The following VAC14 variants were observed in gnomAD, a reference collection of about 807,000 sequenced individuals.
VAC14 encodes VAC14 component of PIKFYVE complex, also known as protein VAC14 homolog.
Under a neutral mutation model 85.3 loss-of-function variants are expected in VAC14, and 47 were observed. The ratio of observed to expected loss-of-function variants is 0.55; its 90% confidence interval spans 0.44 to 0.70. The LOEUF is 0.70. Ranked by LOEUF, VAC14 falls within the 30% of genes least tolerant of loss-of-function variation. VAC14 has a pLI of 0.00. For missense variants in VAC14, 861 were observed against 1,004.3 expected (o/e 0.86, Z 1.93); for synonymous variants, 447 against 430.5 (o/e 1.04, Z -0.47).
intron 18 of VAC14, chr16:70,688,425 G>A: frequency 9.9e-7 from 1 of 1,013,036 alleles, no homozygotes; most frequent in Non-Finnish European, 1.2e-6. Flanking sequence ...AGGGCTAGCA[G>A]CCAGCCAGGA....
chr16:70,761,285 C>G lies in VAC14; in HGVS notation c.1371+1255G>C, dbSNP rs748701528. 88 of 356,730 alleles carry G rather than the reference C, an allele frequency of 2.5e-4. 2 individuals are homozygous for G. Among genetic ancestry groups the G allele is most frequent in the South Asian group, 1.8e-3 (81 of 45,688 alleles). The allele number at this position is 356,730 out of a possible 1,614,324, so 22.1% of individuals were successfully genotyped here. ...TGAGCAATAGCCCTCTCCCATCCCC[C>G]CCACCCAGCCTCATCCACTCTCTGC... On this transcript the variant is annotated intron_variant, in intron 12 of 18. Coordinates refer to ENST00000261776, the MANE Select transcript of VAC14 (RefSeq NM_018052.5).
intron 13 of VAC14, among the ~76,000 whole-genome samples, chr16:70,741,992 G>A (rs1437911184): frequency 6.6e-6 from 1 of 152,208 alleles, no homozygotes; most frequent in Non-Finnish European, 1.5e-5. Context: ...CTCCGGCCCA[G>A]GCTGCCCTCG....
At chr16:70,745,838 CT>C (rs1555520639) in intron 12 of VAC14, among the ~76,000 whole-genome samples, 1 of 82,332 alleles carries the variant, frequency 1.2e-5, no homozygotes, top group Non-Finnish European at 3.2e-5. Context: ...GGCTTCAGCC[CT>C]GGACCAGGGA....
chr16:70,748,712 C>T (rs912309100), intron 12 of VAC14, among the ~76,000 whole-genome samples: 6 of 152,050 alleles, frequency 3.9e-5, no homozygotes, highest in South Asian at 2.1e-4. Context: ...TTTGGGAGAC[C>T]GAGGCAGGCA....
chr16:70,769,098 G>A (rs2033031420), intron 10 of VAC14: 1 of 218,680 alleles, frequency 4.6e-6, no homozygotes, highest in Non-Finnish European at 9.2e-6. Flanking sequence ...TTATAAGCGT[G>A]AGCCACCGTG....
intron 14 of VAC14, among the ~76,000 whole-genome samples, chr16:70,702,421 G>C (rs190038624): frequency 6.6e-6 from 1 of 152,242 alleles, no homozygotes; most frequent in Non-Finnish European, 1.5e-5. Flanking sequence ...CCGGGAGCAG[G>C]CACCACAGAG....
intron 9 of VAC14, 27 bp from the exon 10 acceptor site, chr16:70,772,199 C>A: frequency 6.2e-7 from 1 of 1,605,470 alleles, no homozygotes; most frequent in South Asian, 1.1e-5. Context: ...AACAAGGGGT[C>A]ATGAAAGGCT....
At chr16:70,771,197 A>T (rs963927978) in intron 10 of VAC14, 6 of 152,208 alleles carry the variant, frequency 3.9e-5, no homozygotes, top group African/African-American at 1.4e-4. Context: ...GAGTCCCTTC[A>T]CCTTGCAGGG....
intron 8 of VAC14, 131 bp downstream of exon 8, chr16:70,781,738 T>A: frequency 7.7e-7 from 1 of 1,303,638 alleles, no homozygotes; most frequent in East Asian, 2.5e-5. Context: ...CCATCTCTTT[T>A]TCCCGAGCTG....
intron 14 of VAC14, among the ~76,000 whole-genome samples, chr16:70,728,420 C>G (rs2054492950): frequency 6.6e-6 from 1 of 152,210 alleles, no homozygotes; most frequent in African/African-American, 2.4e-5. Flanking sequence ...CTGCCCAGCC[C>G]AGTGGGCACG....
At chr16:70,699,696 G>A (rs1194612885) in intron 14 of VAC14, 1 of 152,250 alleles carries the variant, frequency 6.6e-6, no homozygotes, top group African/African-American at 2.4e-5. Context: ...TTTTCCACGT[G>A]CCCTTGGAGG....
intron 1 of VAC14, among the ~76,000 whole-genome samples, chr16:70,791,066 C>T (rs534319989): frequency 3.3e-5 from 5 of 152,328 alleles, no homozygotes; most frequent in South Asian, 2.1e-4. Context: ...AGGGCCAGGC[C>T]GACCTCTGAC....
Position 70,690,161 on chromosome 16 carries a change from T to C in VAC14, c.2187-2071A>G. 8.1e-6 allele frequency: 8 copies of C among 985,474 alleles called. No homozygotes were observed. In the South Asian group the frequency reaches 3.3e-4, roughly 41 times the overall value. The allele number at this position is 985,474 out of a possible 1,614,324, so 61.0% of individuals were successfully genotyped here. A position where few individuals can be genotyped will look rare whatever the true frequency, so the allele number is the denominator to read the frequency against. On this transcript the variant is annotated intron_variant, in intron 18 of 18. Transcript: ENST00000261776. ...GTCGGGGTGGGAAGAGTGGGCCACA[T>C]CTGCTCCCTGGGCCCTTAGGGTGGC...
At chr16:70,694,435 C>A (rs1186215208) in intron 17 of VAC14, among the ~76,000 whole-genome samples, 1 of 152,196 alleles carries the variant, frequency 6.6e-6, no homozygotes, top group Non-Finnish European at 1.5e-5. Flanking sequence ...CTCCCCCCTG[C>A]TCTTCTGTCT....
rs968430417 is a variant in VAC14, at chr16:70,700,360, G to C, written c.1662-1549C>G. On this transcript the variant is annotated intron_variant, in intron 14 of 18. Transcript: ENST00000261776. Reference sequence around the variant, plus strand: ...AGTGAGGGCCGCTTCATCTCCCCGCGCATGCCACCAGGACCCTGCCATGCC... The same window carrying C: ...AGTGAGGGCCGCTTCATCTCCCCGCCCATGCCACCAGGACCCTGCCATGCC... 1.9e-4 allele frequency: 29 copies of C among 152,244 alleles called. No homozygotes were observed. The East Asian group carries it at 5.4e-3, about 28-fold the overall frequency. The allele number at this position is 152,244 out of a possible 1,614,324, so 9.4% of individuals were successfully genotyped here.
At chr16:70,757,971 AGC>A (rs2032004100) in intron 12 of VAC14, among the ~76,000 whole-genome samples, 1 of 152,356 alleles carries the variant, frequency 6.6e-6, no homozygotes, top group East Asian at 1.9e-4. Flanking sequence ...CTGAACCCAA[AGC>A]CCGTGCTCTT....
At chr16:70,797,774 G>A (rs1032771724) in intron 1 of VAC14, among the ~76,000 whole-genome samples, 3 of 152,132 alleles carry the variant, frequency 2.0e-5, no homozygotes, top group Admixed American at 6.5e-5. Flanking sequence ...TCTTGTGATA[G>A]TGAGTTCTCA....
At chr16:70,752,078 T>TA (rs1007672836) in intron 12 of VAC14, among the ~76,000 whole-genome samples, 13 of 151,820 alleles carry the variant, frequency 8.6e-5, no homozygotes, top group South Asian at 4.2e-4. Context: ...AAAAGCAACC[T>TA]AAAAAAAAAT....
Position 70,800,909 on chromosome 16 carries a change from C to G in VAC14, c.-9G>C. On this transcript the variant is annotated 5_prime_UTR_variant, in exon 1 of 19. Transcript: ENST00000261776. Reference sequence around the variant, plus strand: ...TCCTTCTCGGGGTTCATGGTGGCAGCTGGGGGAACCTCGCGACTCCTTAGC... The same window carrying G: ...TCCTTCTCGGGGTTCATGGTGGCAGGTGGGGGAACCTCGCGACTCCTTAGC... 1 of 1,571,138 alleles carries G rather than the reference C, an allele frequency of 6.4e-7. No homozygotes were observed.
Sources: gnomAD v4.1 joint callset for allele counts (sites outside exome capture counted in the v4.1 genomes callset) on GRCh38, gnomAD v4.1.1 for gene constraint, MANE v1.5 for transcripts, NCBI Gene and HGNC (gene_info 2026-07-23, HGNC 2026-07-21) for gene names.